OTOGL: variants seen among roughly 807,000 people sequenced by gnomAD.
The protein encoded by OTOGL is otogelin-like protein.
A neutral mutation model predicts 318.5 loss-of-function variants in OTOGL; 285 were observed. The ratio of observed to expected loss-of-function variants is 0.89; its 90% CI spans 0.81 to 0.99. OTOGL has a LOEUF of 0.99. Ranked by LOEUF, OTOGL falls within the 50% of genes least tolerant of loss-of-function variation. The pLI is 0.00. For synonymous variants in OTOGL, 987 were observed against 936.5 expected, an observed-to-expected ratio of 1.05 and a Z score of -0.99; for missense variants, 2,899 against 2,845.6, an observed-to-expected ratio of 1.02 and a Z score of -0.43.
intron 1 of OTOGL, among the ~76,000 whole-genome samples, chr12:80,141,955 C>G (rs1006717637): frequency 6.6e-6 from 1 of 151,848 alleles, no homozygotes; most frequent in Non-Finnish European, 1.5e-5. Flanking sequence ...AAGAAACTGG[C>G]CCCTACACTC....
At chr12:80,250,184 C>T (rs1161491050) in intron 11 of OTOGL, among the ~76,000 whole-genome samples, 1 of 152,052 alleles carries the variant, frequency 6.6e-6, no homozygotes, top group Non-Finnish European at 1.5e-5. Flanking sequence ...CATCTTGGCT[C>T]GAGAGTCTGA....
intron 44 of OTOGL, among the ~76,000 whole-genome samples, chr12:80,345,501 T>C (rs1367370480): frequency 3.3e-5 from 5 of 151,800 alleles, no homozygotes; most frequent in Non-Finnish European, 7.4e-5. Context: ...CCTCCCAAAG[T>C]GTTGGGATTA....
At chr12:80,310,520 C>G in intron 29 of OTOGL, 91 bp from the exon 30 acceptor site, 1 of 780,626 alleles carries the variant, frequency 1.3e-6, no homozygotes, top group Non-Finnish European at 2.1e-6. Context: ...ATATATTAGG[C>G]GCAATTGTAA....
chr12:80,238,913 A>G lies in OTOGL; in HGVS notation c.880A>G (p.Thr294Ala), dbSNP rs776082192. 1.6e-5 allele frequency: 25 copies of G among 1,593,682 alleles called. No homozygotes were observed. The East Asian group carries it at 5.1e-4, about 33-fold the overall frequency. The part of the protein sequence containing the change: ...NSWSVQTPDD[T>A]KCVLTPSDFP... ...TTGGTCGGTGCAAACTCCAGATGAC[A>G]CCAAATGTGTACTCACACCCTCAGA... Residue 294 changes from threonine to alanine, a missense_variant, in exon 10 of 59, where the codon ACC (threonine) becomes GCC (alanine). Transcript: ENST00000547103.
intron 7 of OTOGL, among the ~76,000 whole-genome samples, chr12:80,226,388 A>T (rs549143774): frequency 7.8e-4 from 118 of 151,820 alleles, no homozygotes; most frequent in African/African-American, 2.7e-3. Flanking sequence ...CAGTTATCCC[A>T]TTTTTTCTTT....
chr12:80,369,046 T>C (rs1890727925), intron 55 of OTOGL, among the ~76,000 whole-genome samples: 3 of 151,940 alleles, frequency 2.0e-5, no homozygotes, highest in Admixed American at 2.0e-4. Flanking sequence ...AATACACACA[T>C]ATATTTTTAT....
Position 80,358,702 on chromosome 12 carries a change from A to G in OTOGL, c.6153A>G (p.Leu2051=), listed in dbSNP as rs1287434249. 1.2e-6 allele frequency: 2 copies of G among 1,613,006 alleles called. No homozygotes were observed. Among genetic ancestry groups the G allele is most frequent in the Non-Finnish European group, 1.7e-6 (2 of 1,179,340 alleles). ...AACCAAACCTTTGTCCTATGCCATT[A>G]CTCAACTGTGCAGAAGATATGAATC... ...VCEPNLCPMP[L]LNCAEDMNLV... Residue 2051 remains leucine (L), a synonymous_variant, in exon 51 of 59, where the codon TTA becomes TTG. Transcript: ENST00000547103.
chr12:80,233,523 A>G (rs1879566351), intron 9 of OTOGL, among the ~76,000 whole-genome samples: 1 of 152,214 alleles, frequency 6.6e-6, no homozygotes, highest in South Asian at 2.1e-4. Context: ...CTTGATAGGA[A>G]TAAGTTGAAT....
chr12:80,170,795 A>T (rs1592515316), intron 1 of OTOGL, among the ~76,000 whole-genome samples: 1 of 152,164 alleles, frequency 6.6e-6, no homozygotes, highest in African/African-American at 2.4e-5. Flanking sequence ...TGTCAGTTAT[A>T]TATATTTTTC....
At position 80,201,203 on chromosome 12, in the gene OTOGL, G is replaced by A. The variant is rs551575626; in HGVS notation, c.-19-8210G>A. On this transcript the variant is annotated intron_variant, in intron 1 of 58. Transcript: ENST00000547103. ...CTCTTTGAGGTTGTTTCTGGTTGGA[G>A]TCTGTGTTGGTCTGTTTTGCATTTT... 2.0e-5 allele frequency among the ~76,000 whole-genome samples: 3 copies of A among 152,268 alleles called. No individual in the cohort carries two copies. The East Asian group carries it at 5.8e-4, about 29-fold the overall frequency.
At chr12:80,120,773 A>G (rs541674436) in intron 1 of OTOGL, among the ~76,000 whole-genome samples, 1 of 152,318 alleles carries the variant, frequency 6.6e-6, no homozygotes, top group Non-Finnish European at 1.5e-5. Flanking sequence ...ATTTGTCTGC[A>G]GAGTTGGGTT....
At chr12:80,129,278 G>T (rs1871085961) in intron 1 of OTOGL, among the ~76,000 whole-genome samples, 1 of 152,154 alleles carries the variant, frequency 6.6e-6, no homozygotes, top group Non-Finnish European at 1.5e-5. Flanking sequence ...TTTTCTCTGT[G>T]TCTTGCTTCC....
chr12:80,210,871 T>C lies in OTOGL; in HGVS notation c.104T>C (p.Leu35Ser), dbSNP rs766428430. The C allele has an allele frequency of 3.1e-5, 46 of 1,487,330 alleles. No individual in the cohort carries two copies. Among genetic ancestry groups the C allele is most frequent in the African/African-American group, 4.2e-5 (3 of 70,954 alleles). The allele number at this position is 1,487,330 out of a possible 1,614,324, so 92.1% of individuals were successfully genotyped here. A position where few individuals can be genotyped will look rare whatever the true frequency, so the allele number is the denominator to read the frequency against. ...LQEYICASSI[L>S]MGTSKNGFNE... ...GAATATATTTGTGCATCGTCTATAT[T>C]GATGGGAACATCAAAGTGAGTATTT... Residue 35 changes from leucine to serine, a missense_variant, in exon 3 of 59, where the codon TTG (leucine) becomes TCG (serine). By Grantham distance (145) the Leu-to-Ser change is moderately radical. Around this residue, in one of 3 missense-constraint regions of OTOGL, gnomAD observed 2,607 missense variants for 2,524.9 expected, o/e 1.03. Transcript: ENST00000547103.
At chr12:80,220,902 A>G (rs1878259526) in intron 6 of OTOGL, among the ~76,000 whole-genome samples, 1 of 152,194 alleles carries the variant, frequency 6.6e-6, no homozygotes, top group South Asian at 2.1e-4. Context: ...GCATACTGTC[A>G]GGGAAGACTG....
At chr12:80,272,225 A>G (rs1883463877) in intron 24 of OTOGL, among the ~76,000 whole-genome samples, 1 of 152,092 alleles carries the variant, frequency 6.6e-6, no homozygotes, top group Non-Finnish European at 1.5e-5. Flanking sequence ...TACAAAGGGC[A>G]GTGGGTAAGA....
chr12:80,270,055 A>C (rs946944645), intron 22 of OTOGL, 47 bp from the exon 23 acceptor site: 1 of 1,420,632 alleles, frequency 7.0e-7, no homozygotes, highest in African/African-American at 1.4e-5. Context: ...GAAAAAAAAA[A>C]AAACAACAGA....
chr12:80,360,484 TC>T (rs1324921788), intron 52 of OTOGL, among the ~76,000 whole-genome samples: 4 of 135,964 alleles, frequency 2.9e-5, no homozygotes, highest in African/African-American at 8.0e-5. Context: ...TCTCCCTCTC[TC>T]CCTCTCACTC....
chr12:80,287,063 T>C (rs1286344051), intron 26 of OTOGL, among the ~76,000 whole-genome samples: 1 of 151,966 alleles, frequency 6.6e-6, no homozygotes, highest in African/African-American at 2.4e-5. Flanking sequence ...TAAACACTGC[T>C]TTAGCTGTGT....
At chr12:80,129,030 G>C (rs968682114) in intron 1 of OTOGL, among the ~76,000 whole-genome samples, 7 of 152,280 alleles carry the variant, frequency 4.6e-5, no homozygotes, top group Admixed American at 1.3e-4. Flanking sequence ...CACGCTCGGT[G>C]CACTGCACCC....
Sources: gnomAD v4.1 joint callset for allele counts (sites outside exome capture counted in the v4.1 genomes callset) on GRCh38, gnomAD v4.1.1 for gene constraint, gnomAD v4.1.1 regional missense constraint, MANE v1.5 for transcripts, NCBI Gene and HGNC (gene_info 2026-07-23, HGNC 2026-07-21) for gene names.